FUBP3: variants seen among roughly 807,000 people sequenced by gnomAD.
FUBP3 encodes far upstream element binding protein 3.
A neutral mutation model predicts 85.6 loss-of-function variants in FUBP3; 28 were observed. That is an observed-to-expected ratio of 0.33 (90% CI 0.24 to 0.45). The LOEUF is 0.45. Among genes scored for constraint, FUBP3 ranks in the 20% least tolerant of loss-of-function variants. The pLI is 1.00. For synonymous variants in FUBP3, 271 were observed against 271.4 expected (o/e 1.00, Z 0.01); for missense variants, 583 against 755.1 (o/e 0.77, Z 2.67).
At chr9:130,624,616 T>C (rs1334639495) in intron 11 of FUBP3, among the ~76,000 whole-genome samples, 1 of 108,690 alleles carries the variant, frequency 9.2e-6, no homozygotes, top group Non-Finnish European at 2.0e-5. Flanking sequence ...ATTTTGTGTG[T>C]GTGTGTGTGT....
At chr9:130,581,381 T>C (rs1286390009) in intron 1 of FUBP3, 1 of 152,198 alleles carries the variant, frequency 6.6e-6, no homozygotes, top group Non-Finnish European at 1.5e-5. Context: ...AGCTCTGAAA[T>C]GCACCATTGA....
intron 2 of FUBP3, 54 bp downstream of exon 2, chr9:130,595,642 A>T: frequency 1.2e-6 from 1 of 821,690 alleles, no homozygotes; most frequent in Non-Finnish European, 2.2e-6. Flanking sequence ...CTGCCAGTTA[A>T]GTTTGAATTT....
intron 2 of FUBP3, among the ~76,000 whole-genome samples, chr9:130,601,034 G>GT (rs764587182): frequency 1.3e-5 from 2 of 152,170 alleles, no homozygotes; most frequent in Non-Finnish European, 2.9e-5. Flanking sequence ...CGCTATTGGA[G>GT]TTCAAAAACA....
At chr9:130,630,865 C>T in intron 13 of FUBP3, 77 bp downstream of exon 13, 1 of 1,132,420 alleles carries the variant, frequency 8.8e-7, no homozygotes, top group Admixed American at 3.3e-5. Flanking sequence ...CAGCTTTTCC[C>T]ACCACCTTGT....
At chr9:130,615,982 GAA>G (rs2119079830) in intron 6 of FUBP3, among the ~76,000 whole-genome samples, 2 of 152,292 alleles carry the variant, frequency 1.3e-5, no homozygotes, top group South Asian at 4.1e-4. Context: ...TACTCTGTGA[GAA>G]GGGTCATGTT....
intron 1 of FUBP3, among the ~76,000 whole-genome samples, chr9:130,591,347 GC>G (rs1225459838): frequency 6.6e-6 from 1 of 152,158 alleles, no homozygotes; most frequent in Non-Finnish European, 1.5e-5. Flanking sequence ...GGAGGCTGAG[GC>G]AGGAGAATCT....
At chr9:130,606,548 C>T (rs145920874) in intron 2 of FUBP3, among the ~76,000 whole-genome samples, 2,029 of 152,156 alleles carry the variant, frequency 0.013, 24 homozygotes, top group East Asian at 0.05. Context: ...TGGCCGGGCG[C>T]GGTGGCTCAC....
At chr9:130,613,713 A>G (rs1272988914) in intron 5 of FUBP3, among the ~76,000 whole-genome samples, 1 of 151,926 alleles carries the variant, frequency 6.6e-6, no homozygotes, top group African/African-American at 2.4e-5. Flanking sequence ...TTTCTCTTTC[A>G]TTTTTTTTGA....
chr9:130,614,284 A>C lies in FUBP3; in HGVS notation c.347-4A>C. On this transcript the variant is annotated splice_polypyrimidine_tract_variant and splice_region_variant and intron_variant, in intron 5 of 18. Transcript: ENST00000319725. The stretch of plus-strand genomic sequence containing the variant: ...ACCCCTCATCTTCTTGATTCTTCTT[A>C]TAGAGAGTTCTGGGATTCCAGAGAG... 1 of 1,592,706 alleles carries C rather than the reference A, an allele frequency of 6.3e-7. No homozygotes were observed. Among genetic ancestry groups the C allele is most frequent in the East Asian group, 2.2e-5 (1 of 44,704 alleles).
At chr9:130,581,875 C>T (rs1193948756) in intron 1 of FUBP3, 1 of 152,186 alleles carries the variant, frequency 6.6e-6, no homozygotes, top group Non-Finnish European at 1.5e-5. Flanking sequence ...GTTGACCCTG[C>T]TGGGATTTGA....
At position 130,635,903 on chromosome 9, in the gene FUBP3, G is replaced by A. The variant is rs1045890089; in HGVS notation, c.1583-96G>A. ...TCCCAGACCTCCCTGCCTTCCAGCCGTCCGGAGGGAGAGCAGATGCCCAGG... is the reference window on the plus strand; with the variant it reads ...TCCCAGACCTCCCTGCCTTCCAGCCATCCGGAGGGAGAGCAGATGCCCAGG... On this transcript the variant is annotated intron_variant, in intron 17 of 18. Transcript: ENST00000319725. This position sits in a 1 kb window ranked among gnomAD's most constrained non-coding sequence, Gnocchi z 4.3. 65 of 1,315,078 alleles carry A rather than the reference G, an allele frequency of 4.9e-5. No individual in the cohort carries two copies. Among genetic ancestry groups the A allele is most frequent in the South Asian group, 1.4e-4 (10 of 73,956 alleles). The allele number at this position is 1,315,078 out of a possible 1,614,324, so 81.5% of individuals were successfully genotyped here.
At chr9:130,633,104 G>T (rs921210194) in intron 16 of FUBP3, among the ~76,000 whole-genome samples, 1 of 152,234 alleles carries the variant, frequency 6.6e-6, no homozygotes, top group Non-Finnish European at 1.5e-5. Flanking sequence ...AGAGTCCTGA[G>T]GCCAGTGCTG....
intron 12 of FUBP3, among the ~76,000 whole-genome samples, chr9:130,627,396 C>G (rs1322133313): frequency 6.6e-6 from 1 of 152,200 alleles, no homozygotes; most frequent in Non-Finnish European, 1.5e-5. Context: ...CTTTGATCAC[C>G]AAATACCCCT....
At chr9:130,609,133 T>A (rs1482491820) in intron 2 of FUBP3, among the ~76,000 whole-genome samples, 3 of 152,190 alleles carry the variant, frequency 2.0e-5, no homozygotes, top group Non-Finnish European at 2.9e-5. Context: ...CTGAGCTGCA[T>A]TTTCCAAAAG....
chr9:130,621,147 T>G (rs892254449), intron 9 of FUBP3, among the ~76,000 whole-genome samples: 7 of 152,124 alleles, frequency 4.6e-5, no homozygotes, highest in Admixed American at 1.3e-4. Flanking sequence ...TATGTGTATT[T>G]TAGCCACAAT....
intron 1 of FUBP3, among the ~76,000 whole-genome samples, chr9:130,584,149 CT>C (rs1254084734): frequency 6.6e-6 from 1 of 152,202 alleles, no homozygotes; most frequent in Non-Finnish European, 1.5e-5. Flanking sequence ...AGTTCTCAAA[CT>C]TGTGGCCTGT....
Position 130,624,571 on chromosome 9 carries a change from A to G in FUBP3, c.975+860A>G, listed in dbSNP as rs73549923. 2.4e-3 allele frequency among the ~76,000 whole-genome samples: 370 copies of G among 152,128 alleles called. 2 individuals carry two copies. The highest frequency in any genetic ancestry group is 8.7e-3 in the African/African-American group (361 of 41,480). ...CAGGAACAGCATTGAATGCAGCCCA[A>G]CACAAATTCATAAACTTTCTTAAAA... is the stretch of plus-strand genomic sequence containing the variant. On this transcript the variant is annotated intron_variant, in intron 11 of 18. Coordinates refer to ENST00000319725, the MANE Select transcript of FUBP3 (RefSeq NM_003934.2).
intron 1 of FUBP3, among the ~76,000 whole-genome samples, chr9:130,587,222 G>A (rs1206571810): frequency 1.6e-4 from 25 of 151,858 alleles, no homozygotes; most frequent in Admixed American, 1.2e-3. Flanking sequence ...GCACCATCAC[G>A]CCTAGCTAAT....
chr9:130,631,165 A>G, intron 13 of FUBP3: 3 of 1,142,236 alleles, frequency 2.6e-6, no homozygotes, highest in Non-Finnish European at 3.2e-6. Context: ...CTTTAGTTTC[A>G]GGCACCTCAA....
Sources: allele counts gnomAD v4.1 joint callset (sites outside exome capture counted in the v4.1 genomes callset), GRCh38; gene constraint gnomAD v4.1.1; non-coding constraint Gnocchi (gnomAD v3.1); transcripts MANE v1.5; gene names NCBI Gene and HGNC (gene_info 2026-07-23, HGNC 2026-07-21).